Variants in SPEG observed in about 807,000 individuals in gnomAD.
SPEG encodes the protein striated muscle preferentially expressed protein kinase.
Under a neutral mutation model 300.4 loss-of-function variants are expected in SPEG, and 114 were observed. That is an observed-to-expected ratio of 0.38 (90% CI 0.33 to 0.44). The LOEUF (loss-of-function observed/expected upper bound fraction) is 0.44, where lower values mean the gene tolerates loss of function less well. Ranked by LOEUF, SPEG falls within the 20% of genes least tolerant of loss-of-function variation. The pLI, the probability that SPEG is intolerant of heterozygous loss-of-function variation, is 1.00. For synonymous variants in SPEG, 1,964 were observed against 2,018.9 expected (o/e 0.97, Z 0.73); for missense variants, 4,201 against 4,586.2 (o/e 0.92, Z 2.43).
In SPEG at chr2:219,435,013, G is replaced by A. The variant is rs1190921642; in HGVS notation, c.36G>A (p.Ala12=). ...CCCGGGGCACGCGAGGCGAGGATGC[G>A]GGCACGAGGGCACCCCCCAGCCCCG... ...QKARGTRGED[A]GTRAPPSPGV... The change falls in exon 1 of 41, where the codon GCG becomes GCA. Residue 12 remains alanine, a synonymous_variant. Coordinates refer to ENST00000312358, the MANE Select transcript of SPEG (RefSeq NM_005876.5). 3 of 1,503,730 alleles carry A rather than the reference G, an allele frequency of 2.0e-6. No individual in the cohort carries two copies. Among genetic ancestry groups the A allele is most frequent in the Non-Finnish European group, 2.6e-6 (3 of 1,133,924 alleles). The allele number at this position is 1,503,730 out of a possible 1,614,324, so 93.1% of individuals were successfully genotyped here.
intron 6 of SPEG, chr2:219,460,359 A>G: frequency 1.0e-6 from 1 of 985,368 alleles, no homozygotes; most frequent in Non-Finnish European, 1.2e-6. Flanking sequence ...TCGTTAGCGC[A>G]TTCCCCGGTC....
Position 219,485,328 on chromosome 2 carries a change from G to T in SPEG, c.7610-18G>T. 1.3e-6 allele frequency: 2 copies of T among 1,598,266 alleles called. No individual in the cohort carries two copies. Among genetic ancestry groups the T allele is most frequent in the Non-Finnish European group, 1.7e-6 (2 of 1,173,326 alleles). ...TGGTACTGACTGAACAAATACTCAC[G>T]GGCCTGAGTCTTCACAGCCCCAGGG... is the stretch of plus-strand genomic sequence containing the variant. On this transcript the variant is annotated intron_variant, in intron 30 of 40. Coordinates refer to ENST00000312358, the MANE Select transcript of SPEG (RefSeq NM_005876.5).
At chr2:219,490,205 C>G (rs543072115) in intron 36 of SPEG, among the ~76,000 whole-genome samples, 1 of 152,342 alleles carries the variant, frequency 6.6e-6, no homozygotes, top group East Asian at 1.9e-4. Context: ...GTTAGAGAAG[C>G]TATGGGATTT....
At chr2:219,487,655 C>T (rs1030255370) in intron 31 of SPEG, among the ~76,000 whole-genome samples, 7 of 152,106 alleles carry the variant, frequency 4.6e-5, no homozygotes, top group South Asian at 2.1e-4. Flanking sequence ...GCCAGGAAGC[C>T]GACACGCTTC....
rs200044898 is a variant in SPEG at position 219,490,901 on chromosome 2, C to T, written c.9330C>T (p.Tyr3110=). 2.2e-4 allele frequency: 363 copies of T among 1,613,844 alleles called. No homozygotes were observed. The African/African-American group carries it at 4.5e-3, about 20-fold the overall frequency. ...TGGACTTTGGCAGTGCCCAGCCCTA[C>T]AACCCCCAGGCCCTTAGGCCCCTTG... ...KIVDFGSAQP[Y]NPQALRPLGH... Residue 3110 remains tyrosine, a synonymous_variant, in exon 38 of 41, where the codon TAC becomes TAT. Coordinates refer to ENST00000312358, the MANE Select transcript of SPEG (RefSeq NM_005876.5).
rs191879197 is a variant in SPEG, at chr2:219,464,037, G to A, written c.2706-396G>A. On this transcript the variant is annotated intron_variant, in intron 8 of 40. Transcript: ENST00000312358. This position sits in a 1 kb window ranked among gnomAD's most constrained non-coding sequence, Gnocchi z 4.5. ...CTCAGGAGGCTGAGATGGGGAGATC[G>A]CTTGAGCCTGGGGAGGTAGAAGCTG... 2.2e-4 allele frequency among the ~76,000 whole-genome samples: 34 copies of A among 151,858 alleles called. 1 individual carries two copies. The East Asian group carries it at 5.8e-3, about 26-fold the overall frequency.
Position 219,441,326 on chromosome 2 carries a change from G to A in SPEG, c.389-3327G>A, listed in dbSNP as rs571760817. Among the ~76,000 whole-genome samples the A allele has an allele frequency of 1.3e-3, 203 of 152,262 alleles. 1 individual carries two copies. The Middle Eastern group carries it at 0.017, about 13-fold the overall frequency. Reference sequence around the variant, plus strand: ...GTGTGTGAATGTACGGGGGTAGGGGGCCGCGCATGGGACAATCGCGAGGTA... The same window carrying A: ...GTGTGTGAATGTACGGGGGTAGGGGACCGCGCATGGGACAATCGCGAGGTA... On this transcript the variant is annotated intron_variant, in intron 1 of 40. Transcript: ENST00000312358.
chr2:219,490,490 C>T lies in SPEG; in HGVS notation c.9003C>T (p.Ala3001=), dbSNP rs576514343. The T allele has an allele frequency of 1.1e-5, 18 of 1,613,590 alleles. No individual in the cohort carries two copies. The highest frequency in any genetic ancestry group is 8.3e-5 in the Admixed American group (5 of 60,024). ...TGGCCAAGATCGTGCCCTATGCTGC[C>T]GAGGGCAAGCGGCGGGTCCTGCAGG... ...TFVAKIVPYA[A]EGKRRVLQEY... Residue 3001 remains alanine, a synonymous_variant, in exon 37 of 41, where the codon GCC becomes GCT. Transcript: ENST00000312358.
intron 31 of SPEG, among the ~76,000 whole-genome samples, chr2:219,487,027 G>C (rs1371405824): frequency 1.3e-5 from 2 of 152,054 alleles, no homozygotes; most frequent in African/African-American, 4.8e-5. Flanking sequence ...CAATTCTTCA[G>C]ACAGGCAGCA....
chr2:219,445,114 C>A lies in SPEG; in HGVS notation c.768C>A (p.Tyr256Ter), dbSNP rs760507292. 2 of 1,596,252 alleles carry A rather than the reference C, an allele frequency of 1.3e-6. No homozygotes were observed. Among genetic ancestry groups the A allele is most frequent in the Non-Finnish European group, 1.7e-6 (2 of 1,171,990 alleles). Residue 256 changes from tyrosine (Y) to a stop codon, truncating the protein, a stop_gained, in exon 3 of 41, where the codon TAC becomes TAA. Transcript: ENST00000312358. LOFTEE classifies it high-confidence loss of function. The surrounding 1 kb of genome is among the most constrained non-coding windows in gnomAD (Gnocchi z 6.1). ...GCCTTTCCGTGGCCAGTGACCTGTA[C>A]GGCAGCGCATTCAGCCTGTACAGAG... ...EDSLSVASDL[Y>*]GSAFSLYRGR...
At chr2:219,463,210 G>GA (rs909570579) in intron 8 of SPEG, among the ~76,000 whole-genome samples, 81 of 146,536 alleles carry the variant, frequency 5.5e-4, no homozygotes, top group South Asian at 1.5e-3. Flanking sequence ...CCCTATTGCT[G>GA]AAAAAAAAAA....
chr2:219,488,646 C>T lies in SPEG; in HGVS notation c.8007C>T (p.Ser2669=), dbSNP rs374205616. 2.9e-5 allele frequency: 47 copies of T among 1,605,070 alleles called. No individual in the cohort carries two copies. In the African/African-American group the frequency reaches 5.7e-4, roughly 20 times the overall value. ...ACGTACTGGGCAGCATCACCAGCTC[C>T]TGTACCGTGGCTGTGGCCCGTGAGC... is the stretch of plus-strand genomic sequence containing the variant. ...ATNVLGSITS[S]CTVAVARVPG... is the part of the protein sequence containing the mutation. Residue 2669 remains serine (S), a synonymous_variant, in exon 33 of 41, where the codon TCC becomes TCT. Coordinates refer to ENST00000312358, the MANE Select transcript of SPEG (RefSeq NM_005876.5).
At chr2:219,436,377 C>T (rs1954719669) in intron 1 of SPEG, among the ~76,000 whole-genome samples, 1 of 152,220 alleles carries the variant, frequency 6.6e-6, no homozygotes, top group Non-Finnish European at 1.5e-5. Context: ...CTTCTCTAGC[C>T]AAAGGCAGAG....
intron 31 of SPEG, among the ~76,000 whole-genome samples, chr2:219,487,892 C>T (rs1055939269): frequency 6.6e-6 from 1 of 152,228 alleles, no homozygotes. Flanking sequence ...TTATAGACCA[C>T]TTACTTAGTG....
chr2:219,449,373 C>G, intron 4 of SPEG, 102 bp downstream of exon 4: 3 of 943,742 alleles, frequency 3.2e-6, no homozygotes, highest in Non-Finnish European at 4.3e-6. Context: ...GGGGGTTTCG[C>G]CTGGGGCTGC....
intron 3 of SPEG, among the ~76,000 whole-genome samples, chr2:219,446,829 T>A (rs1689325112): frequency 6.6e-6 from 1 of 152,188 alleles, no homozygotes; most frequent in African/African-American, 2.4e-5. Flanking sequence ...AGTTCTTACC[T>A]CACAGGGCTG....
At position 219,451,428 on chromosome 2, in the gene SPEG, G is replaced by C. The variant is rs1160237869; in HGVS notation, c.2257+149G>C. ...GGGGGCTGCCCTGACTTGGGTGTGT[G>C]TTCAGGGACATTTCTCAGGACCCCC... is the stretch of plus-strand genomic sequence containing the variant. On this transcript the variant is annotated intron_variant, in intron 5 of 40. Coordinates refer to ENST00000312358, the MANE Select transcript of SPEG (RefSeq NM_005876.5). The surrounding 1 kb of genome is among the most constrained non-coding windows in gnomAD (Gnocchi z 6.4). 8.1e-7 allele frequency: 1 copy of C among 1,233,072 alleles called. No individual in the cohort carries two copies. The highest frequency in any genetic ancestry group is 2.6e-5 in the East Asian group (1 of 38,410). The allele number at this position is 1,233,072 out of a possible 1,614,324, so 76.4% of individuals were successfully genotyped here.
chr2:219,493,570 C>A lies in SPEG; in HGVS notation c.*784C>A, dbSNP rs143374964. On this transcript the variant is annotated 3_prime_UTR_variant, in exon 41 of 41. Coordinates refer to ENST00000312358, the MANE Select transcript of SPEG (RefSeq NM_005876.5). ...TACTGCCCATGTTGTCCTGACCATCCCTCCCAGCCATCCAGCTGTCTGTCT... is the reference window on the plus strand; with the variant it reads ...TACTGCCCATGTTGTCCTGACCATCACTCCCAGCCATCCAGCTGTCTGTCT... 8.6e-5 allele frequency: 40 copies of A among 466,290 alleles called. 4 individuals carry two copies. Among genetic ancestry groups the A allele is most frequent in the African/African-American group, 4.3e-4 (22 of 50,684 alleles). The allele number at this position is 466,290 out of a possible 1,614,324, so 28.9% of individuals were successfully genotyped here.
rs775539598 is a variant in SPEG at position 219,471,900 on chromosome 2, G to A, written c.3748G>A (p.Val1250Met). 52 of 1,614,040 alleles carry A rather than the reference G, an allele frequency of 3.2e-5. 1 individual carries two copies. The highest frequency in any genetic ancestry group is 2.4e-4 in the South Asian group (22 of 91,084). Residue 1250 changes from valine (V) to methionine (M), a missense_variant, in exon 14 of 41, where the codon GTG becomes ATG. Physicochemically the swap from Val to Met is conservative, Grantham distance 21. Coordinates refer to ENST00000312358, the MANE Select transcript of SPEG (RefSeq NM_005876.5). ...TGTCCATCGCTTGGTGTTCCCTGCC[G>A]TGGGGCCTCAGCACGCCGGTGTCTA... is the stretch of plus-strand genomic sequence containing the variant. ...RDVHRLVFPAVGPQHAGVYKS... is the reference protein window; with the variant it reads ...RDVHRLVFPAMGPQHAGVYKS...
Sources: gnomAD v4.1 joint callset for allele counts (sites outside exome capture counted in the v4.1 genomes callset) on GRCh38, gnomAD v4.1.1 for gene constraint, Gnocchi (gnomAD v3.1) non-coding constraint, MANE v1.5 for transcripts, NCBI Gene and HGNC (gene_info 2026-07-23, HGNC 2026-07-21) for gene names.